EYS: variants seen among roughly 807,000 people sequenced by gnomAD.
EYS encodes EGF-like photoreceptor maintenance factor.
Under a neutral mutation model 282.1 loss-of-function variants are expected in EYS, and 250 were observed. That is an observed-to-expected ratio of 0.89 (90% CI 0.80 to 0.98). The LOEUF is 0.98. EYS is among the 50% of genes least tolerant of loss of function. The pLI is 0.00. For missense variants in EYS, 4,016 were observed against 3,709.0 expected, an observed-to-expected ratio of 1.08 and a Z score of -2.15; for synonymous variants, 1,355 against 1,282.9, an observed-to-expected ratio of 1.06 and a Z score of -1.20.
intron 35 of EYS, among the ~76,000 whole-genome samples, chr6:63,958,992 G>T (rs1210754094): frequency 1.3e-5 from 2 of 152,158 alleles, no homozygotes; most frequent in African/African-American, 4.8e-5. Context: ...CTTCCATTCA[G>T]AAGCCTATGG....
intron 36 of EYS, among the ~76,000 whole-genome samples, chr6:63,848,186 G>A (rs758182532): frequency 5.9e-5 from 9 of 151,888 alleles, no homozygotes; most frequent in Admixed American, 2.0e-4. Flanking sequence ...GACTTTTTAC[G>A]ATGAGATTGC....
chr6:64,527,351 T>C (rs991929809), intron 26 of EYS, among the ~76,000 whole-genome samples: 4 of 151,874 alleles, frequency 2.6e-5, no homozygotes, highest in African/African-American at 4.8e-5. Context: ...AAGGGCCTTC[T>C]TCTGTTCCTT....
intron 8 of EYS, among the ~76,000 whole-genome samples, chr6:65,375,333 A>C (rs948585104): frequency 2.0e-5 from 3 of 152,096 alleles, no homozygotes; most frequent in Admixed American, 6.6e-5. Flanking sequence ...GCAAGCAATA[A>C]CATCAAAGTC....
chr6:65,563,277 A>C (rs1769135188), intron 2 of EYS, among the ~76,000 whole-genome samples: 1 of 152,122 alleles, frequency 6.6e-6, no homozygotes, highest in South Asian at 2.1e-4. Flanking sequence ...CCAATTATAC[A>C]AGTTGCAAAA....
intron 12 of EYS, among the ~76,000 whole-genome samples, chr6:65,280,304 T>TGC (rs1486130062): frequency 1.3e-5 from 2 of 152,178 alleles, no homozygotes; most frequent in Admixed American, 1.3e-4. Context: ...ACTGTACAAC[T>TGC]ACTGAGTGTT....
chr6:65,614,949 T>C (rs1453204464), intron 2 of EYS, among the ~76,000 whole-genome samples: 1 of 152,144 alleles, frequency 6.6e-6, no homozygotes, highest in Non-Finnish European at 1.5e-5. Context: ...AGGCTAGTCC[T>C]TGCAAAAGAT....
At chr6:65,579,607 A>AGGCCTCACGT (rs61488767) in intron 2 of EYS, among the ~76,000 whole-genome samples, 1,848 of 152,200 alleles carry the variant, frequency 0.012, 38 homozygotes, top group African/African-American at 0.042. Flanking sequence ...CTTCTCCATG[A>AGGCCTCACGT]GGCCCCACGT....
chr6:64,049,946 C>T (rs1562174443), intron 33 of EYS, among the ~76,000 whole-genome samples: 1 of 152,130 alleles, frequency 6.6e-6, no homozygotes, highest in African/African-American at 2.4e-5. Context: ...CCAGCACACA[C>T]TCCAGGTAGA....
At chr6:65,243,348 A>C in intron 12 of EYS, among the ~76,000 whole-genome samples, 1 of 152,212 alleles carries the variant, frequency 6.6e-6, no homozygotes, top group East Asian at 1.9e-4. Flanking sequence ...CTATCACAGC[A>C]GCAGAGATCA....
Position 65,536,051 on chromosome 6 carries a change from CGTGAT to C in EYS, c.-332-40063_-332-40059del, listed in dbSNP as rs556694773. 3.3e-5 allele frequency among the ~76,000 whole-genome samples: 5 copies of C among 151,814 alleles called. No homozygotes were observed. The South Asian group carries it at 1.0e-3, about 32-fold the overall frequency. On this transcript the variant is annotated intron_variant, in intron 2 of 42. Coordinates refer to ENST00000503581, the MANE Select transcript of EYS (RefSeq NM_001142800.2). ...CATGGAAGAAATTTAAATGTGGTGA[CGTGAT>C]GATGAATTTACTTCAGATACATTTA...
chr6:65,234,102 A>T (rs611249), intron 12 of EYS, among the ~76,000 whole-genome samples: 57,110 of 151,874 alleles, frequency 0.38, 11,711 homozygotes, highest in African/African-American at 0.54. Flanking sequence ...TTCATTATTT[A>T]TTAATAGTGT....
At chr6:63,983,310 T>C (rs563383067) in intron 35 of EYS, among the ~76,000 whole-genome samples, 4 of 151,972 alleles carry the variant, frequency 2.6e-5, no homozygotes, top group African/African-American at 9.6e-5. Context: ...CTGCCTGACT[T>C]TTCCACTAAC....
chr6:63,926,265 T>C (rs1478472189), intron 35 of EYS, among the ~76,000 whole-genome samples: 1 of 152,212 alleles, frequency 6.6e-6, no homozygotes, highest in Non-Finnish European at 1.5e-5. Flanking sequence ...CATTACAGAA[T>C]GATAGAATCC....
chr6:64,080,567 C>A (rs1482833154), intron 32 of EYS, among the ~76,000 whole-genome samples: 3 of 152,144 alleles, frequency 2.0e-5, no homozygotes, highest in African/African-American at 7.2e-5. Flanking sequence ...TTAATTACAT[C>A]CCATTGGTCA....
intron 12 of EYS, among the ~76,000 whole-genome samples, chr6:65,092,159 T>C (rs575817382): frequency 5.8e-4 from 89 of 152,260 alleles, no homozygotes; most frequent in Non-Finnish European, 1.2e-3. Flanking sequence ...TTTTGGTTCT[T>C]TCATGAAACA....
intron 9 of EYS, among the ~76,000 whole-genome samples, chr6:65,349,536 T>C (rs1028167274): frequency 6.6e-6 from 1 of 151,540 alleles, no homozygotes; most frequent in Non-Finnish European, 1.5e-5. Context: ...AAACTGTATG[T>C]ATCATACATA....
intron 31 of EYS, among the ~76,000 whole-genome samples, chr6:64,132,192 G>A (rs922084761): frequency 5.9e-5 from 9 of 151,902 alleles, no homozygotes; most frequent in African/African-American, 2.2e-4. Flanking sequence ...AAATTCCTTT[G>A]TTAGTATTAA....
At chr6:65,148,145 T>G (rs147375430) in intron 12 of EYS, among the ~76,000 whole-genome samples, 1 of 152,178 alleles carries the variant, frequency 6.6e-6, no homozygotes, top group African/African-American at 2.4e-5. Context: ...AAAACATGCA[T>G]TCTCAACAGT....
At chr6:65,589,553 C>T (rs551798603) in intron 2 of EYS, among the ~76,000 whole-genome samples, 34 of 151,928 alleles carry the variant, frequency 2.2e-4, no homozygotes, top group Non-Finnish European at 4.3e-4. Context: ...TGTACTCTCA[C>T]GTAGCAAATT....
Sources: allele counts gnomAD v4.1 joint callset (sites outside exome capture counted in the v4.1 genomes callset), GRCh38; gene constraint gnomAD v4.1.1; transcripts MANE v1.5; gene names NCBI Gene and HGNC (gene_info 2026-07-23, HGNC 2026-07-21).